Variants in NALCN observed in about 807,000 individuals in gnomAD.
NALCN encodes sodium leak channel NALCN.
Under a neutral mutation model 225.3 loss-of-function variants are expected in NALCN, and 111 were observed. That is an observed-to-expected ratio of 0.49 (90% confidence interval 0.42 to 0.58). The LOEUF (loss-of-function observed/expected upper bound fraction) is 0.58. Ranked by LOEUF, NALCN falls within the 20% of genes least tolerant of loss-of-function variation. NALCN has a pLI of 0.00. For synonymous variants in NALCN, 764 were observed against 769.0 expected, an observed-to-expected ratio of 0.99 and a Z score of 0.11; for missense variants, 1,378 against 2,202.4, an observed-to-expected ratio of 0.63 and a Z score of 7.49.
At chr13:101,216,134 T>C (rs924181692) in intron 13 of NALCN, among the ~76,000 whole-genome samples, 4 of 152,230 alleles carry the variant, frequency 2.6e-5, no homozygotes, top group South Asian at 4.1e-4. Context: ...ATAAAGAATG[T>C]ATTATATATG....
chr13:101,302,609 T>C (rs2044012017), intron 7 of NALCN, among the ~76,000 whole-genome samples: 1 of 152,180 alleles, frequency 6.6e-6, no homozygotes, highest in Non-Finnish European at 1.5e-5. Flanking sequence ...TGAATGTCAT[T>C]AATTTAAATA....
chr13:101,179,154 G>C (rs1030027558), intron 14 of NALCN, among the ~76,000 whole-genome samples: 8 of 152,176 alleles, frequency 5.3e-5, no homozygotes, highest in Non-Finnish European at 8.8e-5. Flanking sequence ...ACTGAATTAA[G>C]CAGACATAGA....
In NALCN at chr13:101,101,749, C is replaced by T. The variant is rs185875099; in HGVS notation, c.3058-861G>A. Among the ~76,000 whole-genome samples, 215 of 152,256 alleles carry T rather than the reference C, an allele frequency of 1.4e-3. 2 individuals carry two copies. Among genetic ancestry groups the T allele is most frequent in the East Asian group, 1.4e-3 (7 of 5,178 alleles). On this transcript the variant is annotated intron_variant, in intron 26 of 43. Coordinates refer to ENST00000251127, the MANE Select transcript of NALCN (RefSeq NM_052867.4). ...AACTCATGCTCCCTCTGCTGGCTGA[C>T]TTCTTTGGTCTCAGCAGAGACGAGT...
intron 37 of NALCN, among the ~76,000 whole-genome samples, chr13:101,071,825 C>T (rs1320224021): frequency 6.6e-6 from 1 of 152,150 alleles, no homozygotes; most frequent in African/African-American, 2.4e-5. Context: ...ACATGCCTTC[C>T]TCCATAAGCT....
chr13:101,358,772 A>G (rs1326585254), intron 6 of NALCN, among the ~76,000 whole-genome samples: 1 of 152,218 alleles, frequency 6.6e-6, no homozygotes, highest in Non-Finnish European at 1.5e-5. Flanking sequence ...ACTATTTACA[A>G]TAGCAAAGAC....
intron 13 of NALCN, among the ~76,000 whole-genome samples, chr13:101,225,551 A>T (rs554740805): frequency 2.2e-4 from 33 of 152,308 alleles, no homozygotes; most frequent in African/African-American, 7.9e-4. Flanking sequence ...TTATTAAAAG[A>T]TATAGCCCAA....
chr13:101,261,552 T>C (rs1224152422), intron 10 of NALCN, among the ~76,000 whole-genome samples: 2 of 152,206 alleles, frequency 1.3e-5, no homozygotes, highest in Admixed American at 1.3e-4. Context: ...GTGTTCATTA[T>C]GGAGATCCTT....
At chr13:101,239,602 C>T (rs2041684911) in intron 11 of NALCN, among the ~76,000 whole-genome samples, 1 of 151,962 alleles carries the variant, frequency 6.6e-6, no homozygotes, top group Non-Finnish European at 1.5e-5. Context: ...TGTAACTCAA[C>T]ATTTTCTCTA....
chr13:101,125,527 G>C (rs377634364), intron 17 of NALCN, among the ~76,000 whole-genome samples: 4 of 152,254 alleles, frequency 2.6e-5, no homozygotes, highest in East Asian at 1.9e-4. Flanking sequence ...AGGAGATTTA[G>C]GGTAAATAGA....
intron 10 of NALCN, among the ~76,000 whole-genome samples, chr13:101,259,751 T>TATATATACAC (rs10622707): frequency 7.6e-6 from 1 of 131,936 alleles, no homozygotes; most frequent in Non-Finnish European, 1.6e-5. Context: ...TATATATATA[T>TATATATACAC]ACACACACAC....
At chr13:101,112,037 T>C (rs537737395) in intron 18 of NALCN, among the ~76,000 whole-genome samples, 3 of 152,162 alleles carry the variant, frequency 2.0e-5, no homozygotes, top group East Asian at 1.9e-4. Context: ...TTTAGGAAGA[T>C]AGGAAAACAT....
At chr13:101,214,318 A>G (rs1445775953) in intron 13 of NALCN, among the ~76,000 whole-genome samples, 1 of 151,146 alleles carries the variant, frequency 6.6e-6, no homozygotes, top group Admixed American at 6.6e-5. Flanking sequence ...GGTGGGAGGG[A>G]TAGCATTAGG....
intron 37 of NALCN, 93 bp from the exon 38 acceptor site, chr13:101,068,920 A>G: frequency 7.6e-7 from 1 of 1,308,362 alleles, no homozygotes; most frequent in Non-Finnish European, 1.0e-6. Flanking sequence ...ATTCCTAAAC[A>G]TATAGCATAT....
chr13:101,401,989 T>C (rs1235040143), intron 1 of NALCN, among the ~76,000 whole-genome samples: 2 of 152,228 alleles, frequency 1.3e-5, no homozygotes, highest in Admixed American at 6.5e-5. Context: ...AGAAATATTG[T>C]TTTATGCCTT....
chr13:101,140,044 G>T (rs938149272), intron 17 of NALCN, among the ~76,000 whole-genome samples: 4 of 152,178 alleles, frequency 2.6e-5, no homozygotes, highest in African/African-American at 9.6e-5. Context: ...AAAGAATTAA[G>T]TCTACTTTTC....
chr13:101,125,367 A>AATAG (rs1336252986), intron 17 of NALCN, among the ~76,000 whole-genome samples: 2 of 152,286 alleles, frequency 1.3e-5, no homozygotes, highest in East Asian at 3.9e-4. Flanking sequence ...TAAATAAATA[A>AATAG]CTAGATTCAC....
chr13:101,249,891 G>A (rs368407351), intron 11 of NALCN, among the ~76,000 whole-genome samples: 1 of 151,734 alleles, frequency 6.6e-6, no homozygotes, highest in African/African-American at 2.4e-5. Context: ...ACCCACACCC[G>A]GATAATAAAA....
intron 13 of NALCN, among the ~76,000 whole-genome samples, chr13:101,206,523 TTC>T (rs1205281874): frequency 6.6e-6 from 1 of 151,996 alleles, no homozygotes; most frequent in Non-Finnish European, 1.5e-5. Context: ...TGTGTGTATT[TTC>T]TTTCTTTTAG....
intron 7 of NALCN, among the ~76,000 whole-genome samples, chr13:101,302,131 G>C (rs897235953): frequency 1.3e-5 from 2 of 152,130 alleles, no homozygotes; most frequent in Non-Finnish European, 2.9e-5. Flanking sequence ...ATTCATAATA[G>C]TCCAAAAATT....
Sources: gnomAD v4.1 joint callset for allele counts (sites outside exome capture counted in the v4.1 genomes callset) on GRCh38, gnomAD v4.1.1 for gene constraint, MANE v1.5 for transcripts, NCBI Gene and HGNC (gene_info 2026-07-23, HGNC 2026-07-21) for gene names.